SANBR: variants seen among roughly 807,000 people sequenced by gnomAD.
SANBR encodes the protein SANT and BTB domain regulator of class switch recombination.
In SANBR, 77 loss-of-function variants were observed where a neutral mutation model predicts 101.8. The observed-to-expected ratio is 0.76, with a 90% CI of 0.63 to 0.91. SANBR has a LOEUF of 0.91. Ranked by LOEUF, SANBR falls within the 40% of genes least tolerant of loss-of-function variation. The pLI is 0.00. For synonymous variants in SANBR, 279 were observed against 274.7 expected, an observed-to-expected ratio of 1.02 and a Z score of -0.15; for missense variants, 875 against 853.0, an observed-to-expected ratio of 1.03 and a Z score of -0.32.
chr2:61,100,457 G>A (rs969177789), intron 12 of SANBR, among the ~76,000 whole-genome samples: 25 of 152,194 alleles, frequency 1.6e-4, no homozygotes, highest in African/African-American at 5.8e-4. Context: ...GAAGGATCCA[G>A]TTGAGAAGGA....
At chr2:61,105,624 C>T (rs907589450) in intron 13 of SANBR, among the ~76,000 whole-genome samples, 2 of 151,626 alleles carry the variant, frequency 1.3e-5, no homozygotes, top group Non-Finnish European at 2.9e-5. Flanking sequence ...CCTCTGCCTC[C>T]TGAAGTGCTG....
At chr2:61,069,834 T>C (rs1467616265) in intron 2 of SANBR, 1 of 152,390 alleles carries the variant, frequency 6.6e-6, no homozygotes, top group Non-Finnish European at 1.5e-5. Context: ...AATTACTTAA[T>C]TGAATCATAA....
chr2:61,094,834 G>C (rs930807688), intron 11 of SANBR, among the ~76,000 whole-genome samples: 1 of 152,010 alleles, frequency 6.6e-6, no homozygotes, highest in African/African-American at 2.4e-5. Flanking sequence ...TAGTAGAAAT[G>C]GGGTTTCACC....
Position 61,116,033 on chromosome 2 carries a change from C to T in SANBR, c.1799C>T (p.Ser600Leu). 1.9e-6 allele frequency: 3 copies of T among 1,612,288 alleles called. No individual in the cohort carries two copies. The highest frequency in any genetic ancestry group is 1.7e-6 in the Non-Finnish European group (2 of 1,179,374). The change falls in exon 17 of 22, where the codon TCA (serine) becomes TTA (leucine). Residue 600 changes from serine (S) to leucine (L), a missense_variant. By Grantham distance (145) the Ser-to-Leu change is moderately radical (BLOSUM62 -2). Transcript: ENST00000402291. ...AGACAACCAAAAAAGCAGGTATCTT[C>T]ACCCTGTGCCCAGAGGAAAGAAAAG... ...FTRQPKKQVSSPCAQRKEKAL... is the reference protein window; with the variant it reads ...FTRQPKKQVSLPCAQRKEKAL...
intron 17 of SANBR, among the ~76,000 whole-genome samples, chr2:61,116,824 G>C (rs1684098534): frequency 6.6e-6 from 1 of 152,012 alleles, no homozygotes; most frequent in African/African-American, 2.4e-5. Flanking sequence ...AGGTCAAAGT[G>C]GGTGGATTGC....
chr2:61,129,217 G>A (rs909424028), downstream of SANBR, among the ~76,000 whole-genome samples: 4 of 152,234 alleles, frequency 2.6e-5, no homozygotes, highest in Middle Eastern at 3.4e-3. Flanking sequence ...GCCAAGGCAG[G>A]TGGGTCACCT....
At chr2:61,087,122 G>A (rs1453551603) in intron 8 of SANBR, among the ~76,000 whole-genome samples, 19 of 152,056 alleles carry the variant, frequency 1.2e-4, no homozygotes, top group South Asian at 2.1e-4. Flanking sequence ...TATGAGATTG[G>A]ACATACTAAC....
chr2:61,085,666 A>T (rs1166659789), intron 8 of SANBR, among the ~76,000 whole-genome samples: 1 of 151,648 alleles, frequency 6.6e-6, no homozygotes, highest in Non-Finnish European at 1.5e-5. Context: ...ACCCACCACC[A>T]CACCCAGCCA....
intron 1 of SANBR, chr2:61,066,231 C>T (rs557555308): frequency 2.6e-5 from 4 of 153,072 alleles, no homozygotes; most frequent in East Asian, 3.8e-4. Flanking sequence ...TCCCGTCACC[C>T]GCCCGGTCCA....
intron 20 of SANBR, among the ~76,000 whole-genome samples, chr2:61,131,624 A>G (rs1005691453): frequency 1.3e-5 from 2 of 152,260 alleles, no homozygotes; most frequent in African/African-American, 4.8e-5. Context: ...TAATCTACAG[A>G]TTCACCACAG....
intron 14 of SANBR, 143 bp downstream of exon 14, chr2:61,106,805 A>G (rs937818611): frequency 1.9e-6 from 1 of 521,340 alleles, no homozygotes. Context: ...ATAGGACTCT[A>G]AGGGCAATAG....
intron 16 of SANBR, among the ~76,000 whole-genome samples, chr2:61,112,027 T>G (rs960494615): frequency 6.6e-6 from 1 of 152,222 alleles, no homozygotes; most frequent in Non-Finnish European, 1.5e-5. Flanking sequence ...TACAAGTCTG[T>G]GTGGACATGT....
At position 61,070,382 on chromosome 2, in the gene SANBR, T is replaced by C; in HGVS notation, c.32T>C (p.Phe11Ser). The change falls in exon 3 of 22, where the codon TTC becomes TCC. Residue 11 changes from phenylalanine to serine, a missense_variant. Transcript: ENST00000402291. MSRGYSENNN[F>S]LNNNNQMVLD... ...CGTGGATATTCAGAAAACAACAATT[T>C]CCTGAACAATAATAACCAAATGGTA... The C allele has an allele frequency of 6.3e-7, 1 of 1,593,536 alleles. No homozygotes were observed. The highest frequency in any genetic ancestry group is 1.2e-5 in the South Asian group (1 of 86,536).
intron 8 of SANBR, among the ~76,000 whole-genome samples, chr2:61,087,449 C>T (rs1682496159): frequency 6.6e-6 from 1 of 151,380 alleles, no homozygotes; most frequent in Non-Finnish European, 1.5e-5. Flanking sequence ...GTCCTAGCTA[C>T]TTGGGAGGCT....
intron 14 of SANBR, among the ~76,000 whole-genome samples, chr2:61,108,024 G>A (rs966729933): frequency 5.3e-5 from 8 of 152,078 alleles, no homozygotes; most frequent in Non-Finnish European, 1.0e-4. Context: ...GATTGAAATA[G>A]TTCTAAAAAT....
In SANBR at chr2:61,123,731, C is replaced by T. The variant is rs553742331; in HGVS notation, c.*1569C>T. On this transcript the variant is annotated 3_prime_UTR_variant, in exon 22 of 22. Coordinates refer to ENST00000402291, the MANE Select transcript of SANBR (RefSeq NM_001129993.3). ...GATGGTAAAAAGGCAAACTGCTTCTCCCCTGGGAGGCCTATACCACTGAAT... is the reference window on the plus strand; with the variant it reads ...GATGGTAAAAAGGCAAACTGCTTCTTCCCTGGGAGGCCTATACCACTGAAT... 415 of 985,348 alleles carry T rather than the reference C, an allele frequency of 4.2e-4. No individual in the cohort carries two copies. Among genetic ancestry groups the T allele is most frequent in the Non-Finnish European group, 4.9e-4 (403 of 829,856 alleles). 61.0% of individuals were successfully genotyped at this position (985,348 alleles called of 1,614,324 possible).
chr2:61,086,755 T>A (rs781778639), intron 8 of SANBR, among the ~76,000 whole-genome samples: 2 of 152,152 alleles, frequency 1.3e-5, no homozygotes, highest in Admixed American at 6.6e-5. Context: ...TTTGTTTTTT[T>A]AGGAAGGGAG....
intron 20 of SANBR, among the ~76,000 whole-genome samples, chr2:61,119,627 G>A (rs1441806597): frequency 6.6e-6 from 1 of 152,122 alleles, no homozygotes; most frequent in Admixed American, 6.6e-5. Context: ...GATGTGCTAA[G>A]ATACAACATC....
intron 20 of SANBR, among the ~76,000 whole-genome samples, chr2:61,129,425 C>T (rs953061196): frequency 6.8e-6 from 1 of 146,460 alleles, no homozygotes; most frequent in African/African-American, 2.5e-5. Flanking sequence ...ACGTGAGCAA[C>T]AACAGCGAAA....
Sources: gnomAD v4.1 joint callset for allele counts (sites outside exome capture counted in the v4.1 genomes callset) on GRCh38, gnomAD v4.1.1 for gene constraint, MANE v1.5 for transcripts, NCBI Gene and HGNC (gene_info 2026-07-23, HGNC 2026-07-21) for gene names.